The following LOC112694756 variants were observed in gnomAD, a reference collection of about 807,000 sequenced individuals.
the LOC112694756 span, chr16:30,069,264 G>C: frequency 6.2e-7 from 1 of 1,603,354 alleles, no homozygotes; most frequent in Non-Finnish European, 8.5e-7. Flanking sequence ...GTGGGACTCT[G>C]GGTTAGGAGG....
At chr16:30,055,405 A>G in the LOC112694756 span, 1 of 397,556 alleles carries the variant, frequency 2.5e-6, no homozygotes, top group East Asian at 3.6e-5. Context: ...TTGCTCAACA[A>G]CATTTATTAC....
At chr16:30,055,330 G>T in the LOC112694756 span, 1 of 399,286 alleles carries the variant, frequency 2.5e-6, no homozygotes, top group Non-Finnish European at 4.4e-6. Context: ...CCAGAGCTGT[G>T]AGTTCCATTC....
At chr16:30,069,038 T>C in the LOC112694756 span, 45 of 1,610,376 alleles carry the variant, frequency 2.8e-5, no homozygotes, top group Middle Eastern at 1.6e-4. Flanking sequence ...GTGTTGTTAA[T>C]TTGCCTATTA....
chr16:30,068,174 C>T, the LOC112694756 span: 1 of 287,712 alleles, frequency 3.5e-6, no homozygotes, highest in Non-Finnish European at 6.8e-6. Flanking sequence ...ACGCCATTCT[C>T]CTGCCTCAGC....
the LOC112694756 span, chr16:30,065,900 C>G: frequency 6.5e-6 from 1 of 153,552 alleles, no homozygotes; most frequent in Admixed American, 6.5e-5. Flanking sequence ...CCGCCGCACC[C>G]TGCACACCCG....
At chr16:30,055,829 T>G in the LOC112694756 span, among the ~76,000 whole-genome samples, 3 of 152,092 alleles carry the variant, frequency 2.0e-5, no homozygotes, top group Non-Finnish European at 4.4e-5. Context: ...AGACAGGGTT[T>G]CACTCTCTCG....
the LOC112694756 span, chr16:30,070,358 T>C: frequency 1.4e-6 from 1 of 737,424 alleles, no homozygotes; most frequent in African/African-American, 1.7e-5. Flanking sequence ...CGTCTGTGAA[T>C]GCTAAGTCCA....
chr16:30,063,753 T>C, the LOC112694756 span: 1 of 399,490 alleles, frequency 2.5e-6, no homozygotes, highest in East Asian at 3.6e-5. Context: ...CTGCCCCCGC[T>C]GCTGCCCACT....
chr16:30,068,696 C>G, the LOC112694756 span: 1 of 1,614,228 alleles, frequency 6.2e-7, no homozygotes, highest in Admixed American at 1.7e-5. Context: ...AGACTACCAC[C>G]CAAGGTGAGA....
At chr16:30,057,699 C>A in the LOC112694756 span, among the ~76,000 whole-genome samples, 1 of 152,056 alleles carries the variant, frequency 6.6e-6, no homozygotes, top group Non-Finnish European at 1.5e-5. Flanking sequence ...TCTGGTTTGC[C>A]AGGGGCAGTC....
the LOC112694756 span, chr16:30,069,603 G>C: frequency 1.9e-6 from 3 of 1,614,014 alleles, no homozygotes; most frequent in African/African-American, 4.0e-5. Flanking sequence ...GCACTCAGAA[G>C]TTTTCTCATG....
At chr16:30,069,706 G>C in the LOC112694756 span, 1 of 1,612,610 alleles carries the variant, frequency 6.2e-7, no homozygotes, top group Non-Finnish European at 8.5e-7. Context: ...TCTCTATGCA[G>C]TAGATAAGCT....
chr16:30,056,625 C>T, the LOC112694756 span, among the ~76,000 whole-genome samples: 9 of 152,038 alleles, frequency 5.9e-5, no homozygotes, highest in Non-Finnish European at 1.0e-4. Flanking sequence ...TTTTGAGACA[C>T]GATCTTGCTC....
At chr16:30,067,678 C>G in the LOC112694756 span, 1,572 of 1,613,786 alleles carry the variant, frequency 9.7e-4, 12 homozygotes, top group African/African-American at 0.019. Context: ...GGAGGGCCTC[C>G]GGACGTGAGG....
the LOC112694756 span, chr16:30,063,685 G>T: frequency 2.5e-6 from 1 of 399,308 alleles, no homozygotes; most frequent in East Asian, 3.6e-5. Flanking sequence ...AGCAACAGAC[G>T]TGGCCCCATC....
chr16:30,069,244 A>G, the LOC112694756 span: 1 of 1,555,190 alleles, frequency 6.4e-7, no homozygotes, highest in Non-Finnish European at 8.9e-7. Flanking sequence ...GTGGCTGTGG[A>G]GAGATGTAGG....
chr16:30,059,868 A>G, the LOC112694756 span, among the ~76,000 whole-genome samples: 4 of 151,910 alleles, frequency 2.6e-5, no homozygotes, highest in Non-Finnish European at 5.9e-5. Flanking sequence ...TGCCCGGCCA[A>G]GAACAGCTCT....
the LOC112694756 span, chr16:30,067,587 C>T: frequency 6.2e-7 from 1 of 1,614,090 alleles, no homozygotes; most frequent in Non-Finnish European, 8.5e-7. Context: ...CCATGAGACA[C>T]TCTACCAGAA....
the LOC112694756 span, chr16:30,068,467 A>T: frequency 1.4e-6 from 1 of 707,422 alleles, no homozygotes; most frequent in East Asian, 2.7e-5. Flanking sequence ...GGGCTAAAGA[A>T]GAGGAAAGAG....
Sources: allele counts gnomAD v4.1 joint callset (sites outside exome capture counted in the v4.1 genomes callset), GRCh38; gene constraint gnomAD v4.1.1; transcripts MANE v1.5.